SLC4A5: variants seen among roughly 807,000 people sequenced by gnomAD.
The protein encoded by SLC4A5 is solute carrier family 4 member 5.
SLC4A5 carries 96 observed loss-of-function variants against 120.4 expected under a neutral mutation model. The ratio of observed to expected loss-of-function variants is 0.80; its 90% CI spans 0.68 to 0.94. The LOEUF (loss-of-function observed/expected upper bound fraction) is 0.94. Ranked by LOEUF, SLC4A5 falls within the 40% of genes least tolerant of loss-of-function variation. The pLI, the probability that SLC4A5 is intolerant of heterozygous loss-of-function variation, is 0.00. For missense variants in SLC4A5, 1,259 were observed against 1,459.5 expected, an observed-to-expected ratio of 0.86 and a Z score of 2.24; for synonymous variants, 550 against 571.1, an observed-to-expected ratio of 0.96 and a Z score of 0.53.
chr2:74,223,407 G>A (rs1305775887), intron 28 of SLC4A5, among the ~76,000 whole-genome samples: 2 of 152,114 alleles, frequency 1.3e-5, no homozygotes, highest in African/African-American at 4.8e-5. Flanking sequence ...AAATACCCTG[G>A]GGTCCACTGA....
intron 8 of SLC4A5, among the ~76,000 whole-genome samples, chr2:74,279,288 C>T (rs140051080): frequency 3.3e-5 from 5 of 152,288 alleles, no homozygotes; most frequent in Non-Finnish European, 7.3e-5. Context: ...TCTGCCCTAC[C>T]CCTCCTCAGA....
At chr2:74,341,600 G>T (rs936780503) in intron 2 of SLC4A5, among the ~76,000 whole-genome samples, 5 of 152,138 alleles carry the variant, frequency 3.3e-5, no homozygotes, top group African/African-American at 1.2e-4. Context: ...TGACCAAGAG[G>T]GACTGCCCCA....
rs201338591 is a variant in SLC4A5, at chr2:74,254,571, T to C, written c.1113+48A>G. 1.7e-3 allele frequency: 2,415 copies of C among 1,448,832 alleles called. 2 individuals are homozygous for C. The highest frequency in any genetic ancestry group is 2.2e-3 in the Admixed American group (134 of 59,796). 89.7% of individuals were successfully genotyped at this position (1,448,832 alleles called of 1,614,324 possible). ...TAATGAATGAAGGTGCAGTGCTTGGTGCAGGAGCTGTAAAATTCAGGAGTA... is the reference window on the plus strand; with the variant it reads ...TAATGAATGAAGGTGCAGTGCTTGGCGCAGGAGCTGTAAAATTCAGGAGTA... On this transcript the variant is annotated intron_variant, in intron 14 of 30. Transcript: ENST00000394019.
At chr2:74,245,694 G>C (rs1193733989) in intron 19 of SLC4A5, among the ~76,000 whole-genome samples, 1 of 152,134 alleles carries the variant, frequency 6.6e-6, no homozygotes, top group Non-Finnish European at 1.5e-5. Context: ...AGAGAGAAGG[G>C]GTTATAATCA....
At chr2:74,318,420 C>G (rs1000385278) in intron 5 of SLC4A5, among the ~76,000 whole-genome samples, 4 of 152,196 alleles carry the variant, frequency 2.6e-5, no homozygotes, top group Non-Finnish European at 5.9e-5. Flanking sequence ...CGAGGTGGCT[C>G]ATGCCTGTAA....
At position 74,299,565 on chromosome 2, in the gene SLC4A5, C is replaced by T. The variant is rs181378783; in HGVS notation, c.271+4924G>A. ...GTCTCAGTTATGTCTTTGTTAGCAG[C>T]GTGAGAATGGACTAATACAACAAAG... On this transcript the variant is annotated intron_variant, in intron 7 of 30. Transcript: ENST00000394019. 2.2e-4 allele frequency among the ~76,000 whole-genome samples: 34 copies of T among 152,154 alleles called. No individual in the cohort carries two copies. In the East Asian group the frequency reaches 4.1e-3, roughly 18 times the overall value.
chr2:74,235,002 G>T, intron 22 of SLC4A5, 99 bp downstream of exon 22: 3 of 941,250 alleles, frequency 3.2e-6, no homozygotes, highest in Non-Finnish European at 4.9e-6. Context: ...ATGGTCTCTT[G>T]GCCAAGAGGA....
At chr2:74,271,060 G>C (rs1350199446) in intron 8 of SLC4A5, among the ~76,000 whole-genome samples, 1 of 152,038 alleles carries the variant, frequency 6.6e-6, no homozygotes, top group African/African-American at 2.4e-5. Flanking sequence ...ATGTGCATGG[G>C]GATCTTGTCA....
At chr2:74,279,020 G>A (rs1203906046) in intron 8 of SLC4A5, among the ~76,000 whole-genome samples, 1 of 152,116 alleles carries the variant, frequency 6.6e-6, no homozygotes, top group Non-Finnish European at 1.5e-5. Context: ...CCTGTGCCCA[G>A]GGCCGCCTTG....
chr2:74,337,401 C>T (rs1673518598), intron 3 of SLC4A5, among the ~76,000 whole-genome samples: 3 of 152,088 alleles, frequency 2.0e-5, no homozygotes, highest in Admixed American at 2.0e-4. Flanking sequence ...GAACCCTGCA[C>T]TCCACCCCAC....
intron 27 of SLC4A5, among the ~76,000 whole-genome samples, chr2:74,225,704 G>A (rs1452068443): frequency 6.6e-6 from 1 of 152,202 alleles, no homozygotes; most frequent in Admixed American, 6.5e-5. Flanking sequence ...CCCAGTTTCT[G>A]ATTTAGCAGG....
At chr2:74,268,572 G>C (rs547640806) in intron 8 of SLC4A5, among the ~76,000 whole-genome samples, 8 of 152,298 alleles carry the variant, frequency 5.3e-5, no homozygotes, top group African/African-American at 1.9e-4. Context: ...AGGCTGGTTG[G>C]AACATCCTTG....
intron 17 of SLC4A5, among the ~76,000 whole-genome samples, chr2:74,249,199 G>C (rs1423652630): frequency 6.6e-6 from 1 of 152,172 alleles, no homozygotes; most frequent in Admixed American, 6.5e-5. Context: ...CCCTGGTTGA[G>C]AGCCACTGCC....
intron 8 of SLC4A5, among the ~76,000 whole-genome samples, chr2:74,274,324 A>T (rs1448534478): frequency 6.6e-6 from 1 of 152,206 alleles, no homozygotes; most frequent in Non-Finnish European, 1.5e-5. Flanking sequence ...AGAAACACCT[A>T]AGCAAATTCT....
chr2:74,314,651 G>C (rs1304338324), intron 6 of SLC4A5, among the ~76,000 whole-genome samples: 3 of 152,146 alleles, frequency 2.0e-5, no homozygotes, highest in Non-Finnish European at 2.9e-5. Flanking sequence ...GTTGATATTT[G>C]GCATTTATTA....
At chr2:74,227,760 C>A in intron 26 of SLC4A5, 50 bp downstream of exon 26, 1 of 1,501,340 alleles carries the variant, frequency 6.7e-7, no homozygotes, top group Non-Finnish European at 9.0e-7. Flanking sequence ...TGGAACCAGA[C>A]ATGGAATGTT....
chr2:74,338,895 C>T (rs1673560575), exon 3 of SLC4A5: 3 of 152,248 alleles, frequency 2.0e-5, no homozygotes, highest in African/African-American at 7.2e-5. Context: ...GGTTATCTTA[C>T]ACTCCCACCT....
At position 74,255,875 on chromosome 2, in the gene SLC4A5, C is replaced by T. The variant is rs758600109; in HGVS notation, c.925G>A (p.Val309Met). The T allele has an allele frequency of 6.2e-6, 10 of 1,614,182 alleles. No homozygotes were observed. The highest frequency in any genetic ancestry group is 2.2e-5 in the South Asian group (2 of 91,076). ...TGGTCTAGGAAGTCCACCTCGCCCA[C>T]GAGCACGTTGGACGCTTCTGAGTCC... Residue 309 changes from valine to methionine, a missense_variant, in exon 13 of 31, where the codon GTG becomes ATG. Coordinates refer to ENST00000394019, the Ensembl canonical transcript of SLC4A5. This position sits in a 1 kb window ranked among gnomAD's most constrained non-coding sequence, Gnocchi z 4.0.
chr2:74,275,951 C>A (rs1671625531), intron 8 of SLC4A5, among the ~76,000 whole-genome samples: 1 of 152,204 alleles, frequency 6.6e-6, no homozygotes, highest in Non-Finnish European at 1.5e-5. Flanking sequence ...TTTGCACATA[C>A]CACCCTGGGT....
Sources: allele counts gnomAD v4.1 joint callset (sites outside exome capture counted in the v4.1 genomes callset), GRCh38; gene constraint gnomAD v4.1.1; non-coding constraint Gnocchi (gnomAD v3.1); transcripts MANE v1.5; gene names NCBI Gene and HGNC (gene_info 2026-07-23, HGNC 2026-07-21).